The following PLCB1 variants were observed in gnomAD, a reference collection of about 807,000 sequenced individuals.
The protein encoded by PLCB1 is 1-phosphatidylinositol 4,5-bisphosphate phosphodiesterase beta-1.
Under a neutral mutation model 161.8 loss-of-function variants are expected in PLCB1, and 46 were observed. That is an observed-to-expected ratio of 0.28 (90% CI 0.22 to 0.36). The LOEUF (loss-of-function observed/expected upper bound fraction) is 0.36. Ranked by LOEUF, PLCB1 falls within the 10% of genes least tolerant of loss-of-function variation. PLCB1 has a pLI of 1.00. For missense variants in PLCB1, 1,016 were observed against 1,472.5 expected (o/e 0.69, Z 5.07); for synonymous variants, 517 against 503.7 (o/e 1.03, Z -0.35).
chr20:8,529,475 T>C (rs1305608901), intron 3 of PLCB1, among the ~76,000 whole-genome samples: 1 of 152,056 alleles, frequency 6.6e-6, no homozygotes, highest in Non-Finnish European at 1.5e-5. Flanking sequence ...TTTTTAAAAA[T>C]AAGGAAAAGT....
intron 3 of PLCB1, among the ~76,000 whole-genome samples, chr20:8,587,320 A>G (rs1422162114): frequency 1.3e-5 from 2 of 152,206 alleles, no homozygotes; most frequent in Non-Finnish European, 2.9e-5. Flanking sequence ...AACAATTATC[A>G]GATCATGTAC....
At position 8,148,098 on chromosome 20, in the gene PLCB1, A is replaced by G. The variant is rs2051473220; in HGVS notation, c.100-2196A>G. Reference sequence around the variant, plus strand: ...TTAGAATTTTGTCAGATGCTCTGATAAGAAAAGAAACTGACCTGAAAAAGA... The same window carrying G: ...TTAGAATTTTGTCAGATGCTCTGATGAGAAAAGAAACTGACCTGAAAAAGA... On this transcript the variant is annotated intron_variant, in intron 1 of 31. Coordinates refer to ENST00000338037, the MANE Select transcript of PLCB1 (RefSeq NM_015192.4). 3.3e-5 allele frequency among the ~76,000 whole-genome samples: 5 copies of G among 152,244 alleles called. No homozygotes were observed. In the South Asian group the frequency reaches 1.0e-3, roughly 32 times the overall value.
At chr20:8,525,625 C>T (rs760345337) in intron 3 of PLCB1, among the ~76,000 whole-genome samples, 1 of 152,144 alleles carries the variant, frequency 6.6e-6, no homozygotes, top group Non-Finnish European at 1.5e-5. Context: ...GAAAAACTGA[C>T]TTAATTTTCT....
At chr20:8,584,159 T>A (rs566958742) in intron 3 of PLCB1, among the ~76,000 whole-genome samples, 1 of 152,322 alleles carries the variant, frequency 6.6e-6, no homozygotes, top group Admixed American at 6.5e-5. Context: ...GCTTCACATT[T>A]TATTTTAAAT....
At chr20:8,801,968 G>T (rs958235341) in intron 31 of PLCB1, 8 of 835,792 alleles carry the variant, frequency 9.6e-6, no homozygotes, top group Non-Finnish European at 1.7e-5. Flanking sequence ...TCCAAGAGAC[G>T]TCCCAGACAA....
chr20:8,509,061 C>T (rs564113219), intron 3 of PLCB1, among the ~76,000 whole-genome samples: 1 of 152,164 alleles, frequency 6.6e-6, no homozygotes, highest in Admixed American at 6.5e-5. Flanking sequence ...CACATCACTT[C>T]CTAAACTGTC....
At chr20:8,227,649 G>A (rs1165823122) in intron 2 of PLCB1, among the ~76,000 whole-genome samples, 1 of 152,110 alleles carries the variant, frequency 6.6e-6, no homozygotes, top group Non-Finnish European at 1.5e-5. Context: ...GCTTAATGTT[G>A]AAACAGCCAC....
chr20:8,477,660 A>C (rs1271693876), intron 3 of PLCB1, among the ~76,000 whole-genome samples: 1 of 152,224 alleles, frequency 6.6e-6, no homozygotes, highest in Admixed American at 6.5e-5. Flanking sequence ...GCAGAAGGCG[A>C]ATAGGGAGCA....
chr20:8,645,623 C>T (rs1249576496), intron 4 of PLCB1, among the ~76,000 whole-genome samples: 1 of 152,044 alleles, frequency 6.6e-6, no homozygotes, highest in African/African-American at 2.4e-5. Context: ...TATTATGTGG[C>T]CTTGTGACTA....
rs116784845 is a variant in PLCB1 at position 8,532,420 on chromosome 20, A to T, written c.247-95874A>T. ...TTATGCCACCTGGCCTGCATTTCAC[A>T]CCAACCTCCCCAAACTTCCCAGGGA... On this transcript the variant is annotated intron_variant, in intron 3 of 31. Coordinates refer to ENST00000338037, the MANE Select transcript of PLCB1 (RefSeq NM_015192.4). Among the ~76,000 whole-genome samples the T allele has an allele frequency of 8.9e-3, 1,350 of 152,236 alleles. 27 individuals carry two copies. Among genetic ancestry groups the T allele is most frequent in the African/African-American group, 0.031 (1,282 of 41,536 alleles).
chr20:8,216,544 C>A (rs958719786), intron 2 of PLCB1, among the ~76,000 whole-genome samples: 1 of 152,004 alleles, frequency 6.6e-6, no homozygotes, highest in African/African-American at 2.4e-5. Context: ...TTTAAAAATA[C>A]GATTCTAAGT....
chr20:8,466,413 T>C (rs1238875627), intron 3 of PLCB1, among the ~76,000 whole-genome samples: 1 of 151,562 alleles, frequency 6.6e-6, no homozygotes, highest in East Asian at 2.0e-4. Context: ...GCATGGCACA[T>C]GTATACATAT....
At chr20:8,661,288 C>T (rs1237287316) in intron 9 of PLCB1, among the ~76,000 whole-genome samples, 1 of 152,108 alleles carries the variant, frequency 6.6e-6, no homozygotes, top group African/African-American at 2.4e-5. Flanking sequence ...TGTGCCCCAA[C>T]TTATCACTTA....
chr20:8,464,989 AT>A (rs1238165323), intron 3 of PLCB1, among the ~76,000 whole-genome samples: 7 of 152,188 alleles, frequency 4.6e-5, no homozygotes, highest in East Asian at 3.9e-4. Context: ...TGATTTGGTC[AT>A]TTTTTAATAG....
chr20:8,553,933 C>T (rs2123001041), intron 3 of PLCB1, among the ~76,000 whole-genome samples: 1 of 152,024 alleles, frequency 6.6e-6, no homozygotes, highest in African/African-American at 2.4e-5. Flanking sequence ...ACCTAGCAAG[C>T]AGAGGTTGCA....
At chr20:8,821,546 TATATATATATA>T (rs1985414933) in intron 31 of PLCB1, among the ~76,000 whole-genome samples, 7 of 102,964 alleles carry the variant, frequency 6.8e-5, no homozygotes, top group Non-Finnish European at 1.3e-4. Flanking sequence ...TATATATATA[TATATATATATA>T]TTTAAATGAC....
At chr20:8,345,306 A>G (rs1340718464) in intron 2 of PLCB1, among the ~76,000 whole-genome samples, 2 of 152,054 alleles carry the variant, frequency 1.3e-5, no homozygotes, top group South Asian at 4.1e-4. Flanking sequence ...CCCTTGATTG[A>G]TAGTGTTTAA....
chr20:8,824,789 T>TA (rs1256990780), intron 31 of PLCB1, among the ~76,000 whole-genome samples: 2 of 151,894 alleles, frequency 1.3e-5, no homozygotes, highest in African/African-American at 2.4e-5. Context: ...TAAAAATCCA[T>TA]AAAAAATAAT....
chr20:8,737,329 C>T, intron 20 of PLCB1, 137 bp downstream of exon 20: 5 of 709,060 alleles, frequency 7.1e-6, no homozygotes, highest in Non-Finnish European at 1.1e-5. Context: ...TTTTGAAAGC[C>T]ATTCTGAAAA....
Sources: allele counts gnomAD v4.1 joint callset (sites outside exome capture counted in the v4.1 genomes callset), GRCh38; gene constraint gnomAD v4.1.1; transcripts MANE v1.5; gene names NCBI Gene and HGNC (gene_info 2026-07-23, HGNC 2026-07-21).